Variants in PNMA6E observed in about 807,000 individuals in gnomAD.
PNMA6E encodes PNMA family member 6E.
For missense variants in PNMA6E, 78 were observed against 50.8 expected, an observed-to-expected ratio of 1.53 and a Z score of -1.63; for synonymous variants, 43 against 17.1, an observed-to-expected ratio of 2.52 and a Z score of -3.74.
chrX:153,407,245 G>A, the PNMA6E span, among the ~76,000 whole-genome samples: 5 of 112,359 alleles, frequency 4.5e-5, no homozygotes, highest in East Asian at 1.4e-3. Flanking sequence ...AAGGCTGGGT[G>A]ACTCTTCAGC....
the PNMA6E span, among the ~76,000 whole-genome samples, chrX:153,410,473 A>C: frequency 0.45 from 49,422 of 109,585 alleles, 7,942 homozygotes; most frequent in Middle Eastern, 0.51. Context: ...CCACCGGGAG[A>C]CTCCCTGCCT....
chrX:153,397,761 C>T lies in PNMA6E; in HGVS notation c.1089G>A (p.Leu363=). The part of the protein sequence containing the change: ...HASEREKKRW[L]LESLGGPALE... The stretch of plus-strand genomic sequence containing the variant: ...GGGCCGGGCCGCCCAAGCTCTCCAG[C>T]AGCCACCTCTTCTTCTCCCTTTCCG... The change falls in exon 2 of 2, where the codon CTG becomes CTA. Residue 363 remains leucine (L), a synonymous_variant. Transcript: ENST00000445091. 1 of 309,562 alleles carries T rather than the reference C, an allele frequency of 3.2e-6. No individual in the cohort carries two copies. The highest frequency in any genetic ancestry group is 5.6e-6 in the Non-Finnish European group (1 of 177,459). The allele number at this position is 309,562 out of a possible 1,213,427, so 25.5% of individuals were successfully genotyped here.
Position 153,397,562 on chromosome X carries a change from C to T in PNMA6E, c.1288G>A (p.Glu430Lys). ...TCCACAGCCCTCTGCAGCAGGCCTTCCAGGCGCACCACGAAGGCAAACAGC... is the reference window on the plus strand; with the variant it reads ...TCCACAGCCCTCTGCAGCAGGCCTTTCAGGCGCACCACGAAGGCAAACAGC... ...EGLFAFVVRL[E>K]GLLQRAVEKG... The change falls in exon 2 of 2, where the codon GAA (glutamate) becomes AAA (lysine). Residue 430 changes from glutamate to lysine, a missense_variant. Coordinates refer to ENST00000445091, the MANE Select transcript of PNMA6E (RefSeq NM_001367770.1). 1 of 299,021 alleles carries T rather than the reference C, an allele frequency of 3.3e-6. No individual in the cohort carries two copies. Among genetic ancestry groups the T allele is most frequent in the Non-Finnish European group, 5.8e-6 (1 of 170,998 alleles). 24.6% of individuals were successfully genotyped at this position (299,021 alleles called of 1,213,427 possible).
Position 153,397,005 on chromosome X carries a change from G to C in PNMA6E, c.1845C>G (p.Pro615=), listed in dbSNP as rs782018730. Residue 615 remains proline (P), a synonymous_variant, in exon 2 of 2, where the codon CCC becomes CCG. Transcript: ENST00000445091. ...IQVRGQEARK[P]PLEGLQTILE... The stretch of plus-strand genomic sequence containing the variant: ...AGATGGTCTGGAGCCCCTCCAGTGG[G>C]GGTTTCCTGGCTTCCTGGCCTCTCA... 6.4e-5 allele frequency: 19 copies of C among 296,525 alleles called. No individual in the cohort carries two copies. The highest frequency in any genetic ancestry group is 1.0e-4 in the Non-Finnish European group (17 of 170,096). 24.4% of individuals were successfully genotyped at this position (296,525 alleles called of 1,213,427 possible).
upstream of PNMA6E, among the ~76,000 whole-genome samples, chrX:153,406,281 G>A (rs2088876873): frequency 1.8e-5 from 2 of 112,119 alleles, no homozygotes; most frequent in South Asian, 7.5e-4. Flanking sequence ...GAACAGACTG[G>A]CTGATGGAAG....
In PNMA6E at chrX:153,397,260, G is replaced by A. The variant is rs926361569; in HGVS notation, c.1590C>T (p.Ser530=). The change falls in exon 2 of 2, where the codon AGC becomes AGT. Residue 530 remains serine (S), a synonymous_variant. Coordinates refer to ENST00000445091, the MANE Select transcript of PNMA6E (RefSeq NM_001367770.1). Reference sequence around the variant, plus strand: ...CATCTTCTGCTCCGGGACCAGCCTCGCTGGCATTCCCCTGGGCTGGGGAGG... The same window carrying A: ...CATCTTCTGCTCCGGGACCAGCCTCACTGGCATTCCCCTGGGCTGGGGAGG... ...AQASPAQGNA[S]EAGPGAEDAA... 14 of 296,773 alleles carry A rather than the reference G, an allele frequency of 4.7e-5. No individual in the cohort carries two copies. The highest frequency in any genetic ancestry group is 9.5e-5 in the East Asian group (2 of 20,982). 24.5% of individuals were successfully genotyped at this position (296,773 alleles called of 1,213,427 possible). A position where few individuals can be genotyped will look rare whatever the true frequency, so the allele number is the denominator to read the frequency against.
Position 153,396,734 on chromosome X carries a change from C to T in PNMA6E, c.*172G>A. The T allele has an allele frequency of 3.4e-6, 1 of 290,273 alleles. No homozygotes were observed. Among genetic ancestry groups the T allele is most frequent in the East Asian group, 4.9e-5 (1 of 20,517 alleles). 23.9% of individuals were successfully genotyped at this position (290,273 alleles called of 1,213,427 possible). The stretch of plus-strand genomic sequence containing the variant: ...TCTCCCCACCCCATTTTGTATCAAA[C>T]GTGGTCATCCGGGTCACAGGGAAGG... On this transcript the variant is annotated 3_prime_UTR_variant, in exon 2 of 2. Coordinates refer to ENST00000445091, the MANE Select transcript of PNMA6E (RefSeq NM_001367770.1).
upstream of PNMA6E, among the ~76,000 whole-genome samples, chrX:153,402,101 G>GGAC (rs1413519357): frequency 9.0e-6 from 1 of 111,185 alleles, no homozygotes; most frequent in African/African-American, 3.3e-5. Flanking sequence ...GGGATTACAG[G>GGAC]CCCTATGTTT....
the PNMA6E span, among the ~76,000 whole-genome samples, chrX:153,413,387 C>T: frequency 9.4e-6 from 1 of 106,563 alleles, no homozygotes; most frequent in Non-Finnish European, 1.9e-5. Context: ...TCCCAGCCCT[C>T]CCCGCGTGGA....
rs782348645 is a variant in PNMA6E, at chrX:153,396,612, G to A, written c.*294C>T. ...TTCAGGTGCCCCCACCCAGGCCACAGCTGCCCACTCAGGGCTCCCTCCAGG... is the reference window on the plus strand; with the variant it reads ...TTCAGGTGCCCCCACCCAGGCCACAACTGCCCACTCAGGGCTCCCTCCAGG... On this transcript the variant is annotated 3_prime_UTR_variant, in exon 2 of 2. Coordinates refer to ENST00000445091, the MANE Select transcript of PNMA6E (RefSeq NM_001367770.1). 2.1e-4 allele frequency: 35 copies of A among 168,365 alleles called. No individual in the cohort carries two copies. Among genetic ancestry groups the A allele is most frequent in the African/African-American group, 1.0e-3 (34 of 33,288 alleles). 13.9% of individuals were successfully genotyped at this position (168,365 alleles called of 1,213,427 possible). A position where few individuals can be genotyped will look rare whatever the true frequency, so the allele number is the denominator to read the frequency against.
At chrX:153,399,795 T>C (rs1427784248) in intron 1 of PNMA6E, among the ~76,000 whole-genome samples, 2 of 112,317 alleles carry the variant, frequency 1.8e-5, no homozygotes, top group Non-Finnish European at 3.8e-5. Context: ...TTTTCGAGCT[T>C]CTTTAAATGG....
At chrX:153,399,358 T>C (rs1286383889) in intron 1 of PNMA6E, among the ~76,000 whole-genome samples, 2 of 110,546 alleles carry the variant, frequency 1.8e-5, no homozygotes, top group African/African-American at 3.3e-5. Context: ...TGTTTGTTTG[T>C]TTTTTGAGAC....
chrX:153,409,798 C>T, the PNMA6E span, among the ~76,000 whole-genome samples: 1 of 112,156 alleles, frequency 8.9e-6, no homozygotes, highest in African/African-American at 3.2e-5. Context: ...GCACACACTC[C>T]CCAGCCTCCA....
Position 153,398,652 on chromosome X carries a change from C to T in PNMA6E, c.198G>A (p.Leu66=). 3.0e-6 allele frequency: 1 copy of T among 327,929 alleles called. No homozygotes were observed. The highest frequency in any genetic ancestry group is 5.3e-6 in the Non-Finnish European group (1 of 188,967). 27.0% of individuals were successfully genotyped at this position (327,929 alleles called of 1,213,427 possible). A position where few individuals can be genotyped will look rare whatever the true frequency, so the allele number is the denominator to read the frequency against. Reference sequence around the variant, plus strand: ...GGTTTAAATACTCAGCGAACTCCACCAAGGCTGCCTTGGCCCCGAGCTCCT... The same window carrying T: ...GGTTTAAATACTCAGCGAACTCCACTAAGGCTGCCTTGGCCCCGAGCTCCT... ...FRKELGAKAA[L]VEFAEYLNRS... The change falls in exon 2 of 2, where the codon TTG becomes TTA. Residue 66 remains leucine, a synonymous_variant. Transcript: ENST00000445091.
At chrX:153,408,655 C>T in the PNMA6E span, among the ~76,000 whole-genome samples, 3 of 112,258 alleles carry the variant, frequency 2.7e-5, no homozygotes, top group Middle Eastern at 4.2e-3. Flanking sequence ...ACCCCATCTA[C>T]AGCACTTTTC....
the PNMA6E span, among the ~76,000 whole-genome samples, chrX:153,407,620 C>T: frequency 2.7e-5 from 3 of 111,323 alleles, no homozygotes; most frequent in South Asian, 1.1e-3. Flanking sequence ...AGTCCTCCTG[C>T]CTCAGCCTCC....
chrX:153,400,892 C>T (rs1282428229), intron 1 of PNMA6E, among the ~76,000 whole-genome samples: 1 of 99,157 alleles, frequency 1.0e-5, no homozygotes, highest in African/African-American at 3.7e-5. Context: ...CAGCACTGGG[C>T]GAGTCACCCT....
chrX:153,411,243 A>G, the PNMA6E span, among the ~76,000 whole-genome samples: 1 of 112,664 alleles, frequency 8.9e-6, no homozygotes. Flanking sequence ...GTGTTCTGCC[A>G]ACGCGGGTCC....
At chrX:153,410,626 C>T in the PNMA6E span, among the ~76,000 whole-genome samples, 2 of 112,764 alleles carry the variant, frequency 1.8e-5, no homozygotes, top group African/African-American at 6.4e-5. Flanking sequence ...GGAGCGCAGG[C>T]TTGCCGAGGG....
Sources: gnomAD v4.1 joint callset for allele counts (sites outside exome capture counted in the v4.1 genomes callset) on GRCh38, gnomAD v4.1.1 for gene constraint, MANE v1.5 for transcripts, NCBI Gene and HGNC (gene_info 2026-07-23, HGNC 2026-07-21) for gene names.